Variants in NOL4L observed in about 807,000 individuals in gnomAD.
NOL4L encodes the protein nucleolar protein 4-like.
Under a neutral mutation model 64.5 loss-of-function variants are expected in NOL4L, and 7 were observed. The ratio of observed to expected loss-of-function variants is 0.11; its 90% CI spans 0.06 to 0.20. NOL4L has a LOEUF of 0.20. NOL4L is among the 10% of genes least tolerant of loss of function. The pLI, the probability that NOL4L is intolerant of heterozygous loss-of-function variation, is 1.00. For synonymous variants in NOL4L, 413 were observed against 401.0 expected, an observed-to-expected ratio of 1.03 and a Z score of -0.36; for missense variants, 680 against 967.1, an observed-to-expected ratio of 0.70 and a Z score of 3.94.
intron 6 of NOL4L, among the ~76,000 whole-genome samples, chr20:32,455,576 G>A (rs991960583): frequency 6.6e-5 from 10 of 152,214 alleles, no homozygotes; most frequent in South Asian, 2.1e-4. Context: ...TGGAAGTGTG[G>A]GGGAGGCCCC....
Position 32,453,046 on chromosome 20 carries a change from G to A in NOL4L, c.1498-40C>T, listed in dbSNP as rs1222013606. On this transcript the variant is annotated intron_variant, in intron 8 of 10. Coordinates refer to ENST00000621426, the MANE Select transcript of NOL4L (RefSeq NM_001256798.2). This position sits in a 1 kb window ranked among gnomAD's most constrained non-coding sequence, Gnocchi z 5.6. ...GGGATGGAGCTAGCATGGGGCCCGT[G>A]GGGGCCCTGGGCTTGTGCAGAGACC... 6.2e-7 allele frequency: 1 copy of A among 1,608,180 alleles called. No individual in the cohort carries two copies. Among genetic ancestry groups the A allele is most frequent in the East Asian group, 2.2e-5 (1 of 44,874 alleles).
At chr20:32,564,698 G>A (rs897103578) in intron 1 of NOL4L, among the ~76,000 whole-genome samples, 2 of 152,230 alleles carry the variant, frequency 1.3e-5, no homozygotes, top group East Asian at 3.8e-4. Context: ...AGGAATCTCC[G>A]AGTTGTGTGG....
At chr20:32,547,232 C>A (rs1416868467) in intron 1 of NOL4L, among the ~76,000 whole-genome samples, 1 of 152,168 alleles carries the variant, frequency 6.6e-6, no homozygotes, top group East Asian at 1.9e-4. Flanking sequence ...ACACACATGC[C>A]CAATGTCACA....
At chr20:32,449,864 G>A (rs1413696510) in intron 10 of NOL4L, 2 of 152,394 alleles carry the variant, frequency 1.3e-5, no homozygotes, top group Non-Finnish European at 1.5e-5. Flanking sequence ...AGAGCCTCCT[G>A]GCATAGTCAA....
intron 1 of NOL4L, among the ~76,000 whole-genome samples, chr20:32,575,026 C>T (rs1255175185): frequency 2.0e-5 from 3 of 152,200 alleles, no homozygotes; most frequent in Non-Finnish European, 4.4e-5. Flanking sequence ...GGAAACCCGT[C>T]ACGCCTTTCT....
intron 4 of NOL4L, among the ~76,000 whole-genome samples, chr20:32,495,974 A>G (rs1009347549): frequency 1.3e-5 from 2 of 152,178 alleles, no homozygotes; most frequent in Non-Finnish European, 2.9e-5. Context: ...ACCTAGAACC[A>G]GAGTCGCTGG....
intron 4 of NOL4L, among the ~76,000 whole-genome samples, chr20:32,488,805 T>TTTTC (rs1185112628): frequency 2.0e-4 from 6 of 30,186 alleles, no homozygotes; most frequent in Non-Finnish European, 3.0e-4. Context: ...CTTTCTTTCT[T>TTTTC]TTTCTTTCTT....
intron 4 of NOL4L, among the ~76,000 whole-genome samples, chr20:32,476,030 C>T (rs1467719687): frequency 6.6e-6 from 1 of 152,082 alleles, no homozygotes. Context: ...ACGCGGCACA[C>T]CCAGGGCCTC....
intron 4 of NOL4L, among the ~76,000 whole-genome samples, chr20:32,502,958 A>T (rs13045933): frequency 6.6e-6 from 1 of 152,130 alleles, no homozygotes; most frequent in African/African-American, 2.4e-5. Flanking sequence ...AGAAATCAAA[A>T]CAAGTTAAAA....
At chr20:32,582,833 T>C (rs1980569392) in intron 1 of NOL4L, among the ~76,000 whole-genome samples, 1 of 151,320 alleles carries the variant, frequency 6.6e-6, no homozygotes, top group Non-Finnish European at 1.5e-5. Flanking sequence ...TGACCCAAGA[T>C]GGGAGAACCG....
chr20:32,531,380 C>A (rs886304029), intron 1 of NOL4L, among the ~76,000 whole-genome samples: 26 of 140,090 alleles, frequency 1.9e-4, no homozygotes, highest in African/African-American at 6.9e-4. Flanking sequence ...TTTTTTTTTT[C>A]TTTTTTTTGA....
Position 32,483,270 on chromosome 20 carries a change from C to T in NOL4L, c.700-8528G>A, listed in dbSNP as rs1454742230. On this transcript the variant is annotated intron_variant, in intron 4 of 10. Transcript: ENST00000621426. The stretch of plus-strand genomic sequence containing the variant: ...CAGCCCCTCGCCCCCCTAACCGCAG[C>T]TCAACGGCCGGCGGCAGCAGCCGGA... 8 of 792,202 alleles carry T rather than the reference C, an allele frequency of 1.0e-5. No individual in the cohort carries two copies. In the African/African-American group the frequency reaches 1.5e-4, roughly 15 times the overall value. 49.1% of individuals were successfully genotyped at this position (792,202 alleles called of 1,614,324 possible). A position where few individuals can be genotyped will look rare whatever the true frequency, so the allele number is the denominator to read the frequency against.
rs773435510 is a variant in NOL4L, at chr20:32,492,440, A to G, written c.700-17698T>C. Among the ~76,000 whole-genome samples the G allele has an allele frequency of 1.6e-4, 25 of 152,312 alleles. 2 individuals are homozygous for G. The Middle Eastern group carries it at 0.031, about 187-fold the overall frequency. ...AGGGGCAGTGACTAGAGGGAGCACA[A>G]AGGGTCTTTAGGGTGGTGCTGATGT... is the stretch of plus-strand genomic sequence containing the variant. On this transcript the variant is annotated intron_variant, in intron 4 of 10. Transcript: ENST00000621426.
Position 32,456,345 on chromosome 20 carries a change from G to C in NOL4L, c.892C>G (p.Pro298Ala), listed in dbSNP as rs1232592890. 6 of 1,501,142 alleles carry C rather than the reference G, an allele frequency of 4.0e-6. No individual in the cohort carries two copies. The African/African-American group carries it at 7.0e-5, about 18-fold the overall frequency. 93.0% of individuals were successfully genotyped at this position (1,501,142 alleles called of 1,614,324 possible). Reference protein sequence around the residue: ...GSGNGSSTLNPSTSSSTQGDP... With the variant: ...GSGNGSSTLNASTSSSTQGDP... ...CCCTGCGTGCTGCTCGACGTGGATG[G>C]GTTCAGGGTGGAGGAGCCATTGCCG... is the stretch of plus-strand genomic sequence containing the variant. Residue 298 changes from proline (P) to alanine (A), a missense_variant, in exon 6 of 11, where the codon CCA (proline) becomes GCA (alanine). Physicochemically the swap from Pro to Ala is conservative, Grantham distance 27. Transcript: ENST00000621426.
At chr20:32,451,160 T>A (rs1448060432) in intron 10 of NOL4L, among the ~76,000 whole-genome samples, 1 of 152,140 alleles carries the variant, frequency 6.6e-6, no homozygotes, top group Non-Finnish European at 1.5e-5. Flanking sequence ...TTCCCCAGCT[T>A]ACAGGTGGCA....
At chr20:32,538,480 TCC>T (rs2018593833) in intron 1 of NOL4L, among the ~76,000 whole-genome samples, 25 of 79,968 alleles carry the variant, frequency 3.1e-4, no homozygotes, top group African/African-American at 1.1e-3. Context: ...CCTCCCTCCC[TCC>T]CTCCCTCCCT....
At chr20:32,495,819 C>T (rs556951188) in intron 4 of NOL4L, among the ~76,000 whole-genome samples, 1 of 152,000 alleles carries the variant, frequency 6.6e-6, no homozygotes, top group Non-Finnish European at 1.5e-5. Flanking sequence ...TAGCTGGGCG[C>T]GGTGTTGAGC....
At chr20:32,536,111 T>C (rs2018513436) in intron 1 of NOL4L, 3 of 985,426 alleles carry the variant, frequency 3.0e-6, no homozygotes, top group South Asian at 9.4e-5. Flanking sequence ...ATAGGAAGTG[T>C]GTGGGAACCC....
chr20:32,526,131 C>T (rs1439574789), intron 2 of NOL4L, among the ~76,000 whole-genome samples: 3 of 152,104 alleles, frequency 2.0e-5, no homozygotes, highest in Non-Finnish European at 4.4e-5. Context: ...CTCAAACAAT[C>T]CTCCCATCTC....
Sources: gnomAD v4.1 joint callset for allele counts (sites outside exome capture counted in the v4.1 genomes callset) on GRCh38, gnomAD v4.1.1 for gene constraint, Gnocchi (gnomAD v3.1) non-coding constraint, MANE v1.5 for transcripts, NCBI Gene and HGNC (gene_info 2026-07-23, HGNC 2026-07-21) for gene names.